The following AKR1A1 variants were observed in gnomAD, a reference collection of about 807,000 sequenced individuals.
The protein encoded by AKR1A1 is HEL-S-165mP.
In AKR1A1, 26 loss-of-function variants were observed where a neutral mutation model predicts 39.2. The observed-to-expected ratio is 0.66, with a 90% CI of 0.49 to 0.92. The LOEUF (loss-of-function observed/expected upper bound fraction) is 0.92. Among genes scored for constraint, AKR1A1 ranks in the 40% least tolerant of loss-of-function variants. The pLI, the probability that AKR1A1 is intolerant of heterozygous loss-of-function variation, is 0.00. For synonymous variants in AKR1A1, 141 were observed against 155.5 expected (o/e 0.91, Z 0.69); for missense variants, 378 against 406.5 (o/e 0.93, Z 0.60).
At chr1:45,555,483 G>T (rs1006352899) in intron 1 of AKR1A1, among the ~76,000 whole-genome samples, 1 of 149,946 alleles carries the variant, frequency 6.7e-6, no homozygotes, top group Non-Finnish European at 1.5e-5. Flanking sequence ...GTGAAACTGT[G>T]TCTAAAAAAA....
intron 4 of AKR1A1, 151 bp downstream of exon 4, chr1:45,567,171 C>T (rs1345810181): frequency 2.8e-6 from 3 of 1,053,772 alleles, no homozygotes. Context: ...GCCTCTTCTG[C>T]TACAGCAGCT....
chr1:45,558,774 G>C (rs989865154), intron 1 of AKR1A1, among the ~76,000 whole-genome samples: 4 of 152,060 alleles, frequency 2.6e-5, no homozygotes, highest in Non-Finnish European at 5.9e-5. Flanking sequence ...CAGGTGATCC[G>C]TCGCATCGGC....
At chr1:45,564,777 A>T (rs1386795029) in intron 2 of AKR1A1, among the ~76,000 whole-genome samples, 2 of 151,516 alleles carry the variant, frequency 1.3e-5, no homozygotes, top group Non-Finnish European at 2.9e-5. Context: ...TGAAAAAAAA[A>T]ATTATTTATT....
intron 4 of AKR1A1, 171 bp downstream of exon 4, chr1:45,567,191 C>A: frequency 1.1e-6 from 1 of 898,422 alleles, no homozygotes; most frequent in Non-Finnish European, 1.6e-6. Context: ...TTAGCTGTAG[C>A]TACAGGAGTT....
In AKR1A1 at chr1:45,566,699, G is replaced by C. The variant is rs765078436; in HGVS notation, c.204+11G>C. 1 of 1,614,000 alleles carries C rather than the reference G, an allele frequency of 6.2e-7. No individual in the cohort carries two copies. Among genetic ancestry groups the C allele is most frequent in the Non-Finnish European group, 8.5e-7 (1 of 1,179,958 alleles). ...GTGGGACCAGGCAAGGTAAGGACTGGGGTTGTAAATAGAGGTGGGATAAGA... is the reference window on the plus strand; with the variant it reads ...GTGGGACCAGGCAAGGTAAGGACTGCGGTTGTAAATAGAGGTGGGATAAGA... On this transcript the variant is annotated intron_variant, in intron 3 of 8. Transcript: ENST00000351829.
chr1:45,561,722 A>T lies in AKR1A1; in HGVS notation c.-6-67A>T, dbSNP rs926098682. The T allele has an allele frequency of 3.3e-6, 5 of 1,504,970 alleles. No individual in the cohort carries two copies. The African/African-American group carries it at 6.9e-5, about 21-fold the overall frequency. 93.2% of individuals were successfully genotyped at this position (1,504,970 alleles called of 1,614,324 possible). On this transcript the variant is annotated intron_variant, in intron 1 of 8. Transcript: ENST00000351829. ...CTTGGCGCTTTGCAGTATTCTTGACAGTGGAAATCTGAGACCTGAACAACA... is the reference window on the plus strand; with the variant it reads ...CTTGGCGCTTTGCAGTATTCTTGACTGTGGAAATCTGAGACCTGAACAACA...
In AKR1A1 at chr1:45,567,995, C is replaced by T. The variant is rs1452327478; in HGVS notation, c.370C>T (p.Pro124Ser). The T allele has an allele frequency of 5.0e-6, 8 of 1,612,554 alleles. No individual in the cohort carries two copies. Among genetic ancestry groups the T allele is most frequent in the South Asian group, 3.3e-5 (3 of 91,014 alleles). The change falls in exon 5 of 9, where the codon CCC (proline) becomes TCC (serine). Residue 124 changes from proline to serine, a missense_variant. Transcript: ENST00000351829. ...WPYAFERGDN[P>S]FPKNADGTIC... Reference sequence around the variant, plus strand: ...TCTCTCACTCAGGCGGGGAGACAACCCCTTCCCCAAGAATGCTGATGGGAC... The same window carrying T: ...TCTCTCACTCAGGCGGGGAGACAACTCCTTCCCCAAGAATGCTGATGGGAC...
At chr1:45,557,402 T>C (rs1644219134) in intron 1 of AKR1A1, among the ~76,000 whole-genome samples, 1 of 152,048 alleles carries the variant, frequency 6.6e-6, no homozygotes, top group Non-Finnish European at 1.5e-5. Flanking sequence ...CCTTCATTCT[T>C]CCCTAGGGAG....
intron 1 of AKR1A1, among the ~76,000 whole-genome samples, chr1:45,560,984 C>G (rs1190003681): frequency 1.3e-5 from 2 of 152,196 alleles, no homozygotes; most frequent in African/African-American, 4.8e-5. Context: ...GCCTCGGCCT[C>G]CCAAAGTGCT....
At chr1:45,566,801 A>G in intron 3 of AKR1A1, 68 bp from the exon 4 acceptor site, 2 of 1,596,288 alleles carry the variant, frequency 1.3e-6, no homozygotes, top group African/African-American at 2.7e-5. Context: ...TTCCTCTCCC[A>G]GAGTTGAGGG....
rs1644367346 is a variant in AKR1A1 at position 45,568,021 on chromosome 1, T to A, written c.396T>A (p.Thr132=). 6.2e-7 allele frequency: 1 copy of A among 1,613,858 alleles called. No individual in the cohort carries two copies. Among genetic ancestry groups the A allele is most frequent in the Non-Finnish European group, 8.5e-7 (1 of 1,180,012 alleles). Residue 132 remains threonine, a synonymous_variant, in exon 5 of 9, where the codon ACT becomes ACA. Coordinates refer to ENST00000351829, the MANE Select transcript of AKR1A1 (RefSeq NM_153326.3). The part of the protein sequence containing the change: ...DNPFPKNADG[T]ICYDSTHYKE... ...CCTTCCCCAAGAATGCTGATGGGAC[T>A]ATATGCTACGACTCCACCCACTACA...
At chr1:45,560,885 G>A (rs1370302875) in intron 1 of AKR1A1, among the ~76,000 whole-genome samples, 5 of 152,112 alleles carry the variant, frequency 3.3e-5, no homozygotes, top group Admixed American at 2.0e-4. Context: ...CCGCCACCAC[G>A]CCTGGCTAAT....
intron 2 of AKR1A1, among the ~76,000 whole-genome samples, chr1:45,563,409 A>G (rs971684800): frequency 1.3e-5 from 2 of 151,408 alleles, no homozygotes; most frequent in Non-Finnish European, 2.9e-5. Context: ...AGGGGGAAAA[A>G]TTAAGGAAAA....
chr1:45,559,052 G>A (rs1644244300), intron 1 of AKR1A1, among the ~76,000 whole-genome samples: 1 of 151,964 alleles, frequency 6.6e-6, no homozygotes, highest in African/African-American at 2.4e-5. Flanking sequence ...TATTCTTTAG[G>A]ACTTGACTCA....
intron 1 of AKR1A1, 30 bp from the exon 2 acceptor site, chr1:45,561,759 A>G (rs2148297653): frequency 6.2e-7 from 1 of 1,608,694 alleles, no homozygotes; most frequent in Non-Finnish European, 8.5e-7. Flanking sequence ...CACTAACCCC[A>G]ACACCATTCT....
At chr1:45,558,138 A>G (rs1196340078) in intron 1 of AKR1A1, among the ~76,000 whole-genome samples, 1 of 151,642 alleles carries the variant, frequency 6.6e-6, no homozygotes, top group Non-Finnish European at 1.5e-5. Context: ...CGAACTCCTG[A>G]CCTCAAGTCT....
At position 45,569,964 on chromosome 1, in the gene AKR1A1, G is replaced by T; in HGVS notation, c.*8G>T. The T allele has an allele frequency of 6.2e-7, 1 of 1,613,754 alleles. No homozygotes were observed. Among genetic ancestry groups the T allele is most frequent in the Non-Finnish European group, 8.5e-7 (1 of 1,179,658 alleles). On this transcript the variant is annotated 3_prime_UTR_variant, in exon 9 of 9. Coordinates refer to ENST00000351829, the MANE Select transcript of AKR1A1 (RefSeq NM_153326.3). The stretch of plus-strand genomic sequence containing the variant: ...TTTAATGACCCGTACTGAGACCACA[G>T]CTTCTTGGCCTCCCTTCCAGCTCTG...
chr1:45,551,730 A>T (rs1457633353), intron 1 of AKR1A1, among the ~76,000 whole-genome samples: 1 of 152,166 alleles, frequency 6.6e-6, no homozygotes. Flanking sequence ...CTTTTCCAAG[A>T]TCTGTTTCCT....
In AKR1A1 at chr1:45,568,131, T is replaced by A. The variant is rs1375004987; in HGVS notation, c.506T>A (p.Ile169Asn). The change falls in exon 5 of 9, where the codon ATT becomes AAT. Residue 169 changes from isoleucine to asparagine, a missense_variant. Ile to Asn is a moderately radical substitution (Grantham distance 149, BLOSUM62 -3). Transcript: ENST00000351829. ...LGLSNFNSRQ[I>N]DDILSVASVR... ...CTGTCCAACTTCAACAGTCGGCAGA[T>A]TGATGACATACTCAGTGTGGCCTCC... is the stretch of plus-strand genomic sequence containing the variant. The A allele has an allele frequency of 6.2e-7, 1 of 1,614,046 alleles. No homozygotes were observed. The highest frequency in any genetic ancestry group is 8.5e-7 in the Non-Finnish European group (1 of 1,179,980).
Sources: gnomAD v4.1 joint callset for allele counts (sites outside exome capture counted in the v4.1 genomes callset) on GRCh38, gnomAD v4.1.1 for gene constraint, MANE v1.5 for transcripts, NCBI Gene and HGNC (gene_info 2026-07-23, HGNC 2026-07-21) for gene names.